Variants in INPP4A observed in about 807,000 individuals in gnomAD.
The protein encoded by INPP4A is inositol polyphosphate-4-phosphatase, type I, 107kD.
Under a neutral mutation model 119.8 loss-of-function variants are expected in INPP4A, and 33 were observed. The observed-to-expected ratio is 0.28, with a 90% confidence interval of 0.21 to 0.37. INPP4A has a LOEUF of 0.37. Among genes scored for constraint, INPP4A ranks in the 10% least tolerant of loss-of-function variants. The pLI is 1.00. For missense variants in INPP4A, 956 were observed against 1,289.9 expected (o/e 0.74, Z 3.97); for synonymous variants, 496 against 500.7 (o/e 0.99, Z 0.12).
intron 1 of INPP4A, among the ~76,000 whole-genome samples, chr2:98,513,798 C>T (rs1685583162): frequency 6.6e-6 from 1 of 152,236 alleles, no homozygotes; most frequent in African/African-American, 2.4e-5. Flanking sequence ...TCACCGCAGC[C>T]ATTCTGGCTC....
At chr2:98,521,534 A>AC (rs1404026820) in intron 4 of INPP4A, 1 of 152,290 alleles carries the variant, frequency 6.6e-6, no homozygotes, top group East Asian at 1.9e-4. Context: ...CTCCTGTGCT[A>AC]CGTGAGGATG....
intron 4 of INPP4A, among the ~76,000 whole-genome samples, chr2:98,531,978 C>T (rs1294086672): frequency 1.3e-5 from 2 of 152,144 alleles, no homozygotes; most frequent in African/African-American, 4.8e-5. Flanking sequence ...TGTATGCTAA[C>T]AAAGGAGAGA....
At chr2:98,486,310 TG>T (rs1679521953) in intron 1 of INPP4A, among the ~76,000 whole-genome samples, 1 of 152,210 alleles carries the variant, frequency 6.6e-6, no homozygotes, top group South Asian at 2.1e-4. Flanking sequence ...GTGAACTCTC[TG>T]GGGTCCCAAA....
At chr2:98,498,016 G>C (rs1361039764) in intron 1 of INPP4A, among the ~76,000 whole-genome samples, 1 of 152,212 alleles carries the variant, frequency 6.6e-6, no homozygotes. Context: ...CCTTGTCTCA[G>C]ATAAGACTTT....
chr2:98,460,059 A>G (rs1032224890), intron 1 of INPP4A, among the ~76,000 whole-genome samples: 1 of 137,708 alleles, frequency 7.3e-6, no homozygotes, highest in Non-Finnish European at 1.6e-5. Context: ...GTCTGCTTCC[A>G]CTTCTGGGTG....
At chr2:98,516,679 G>A (rs1312305961) in intron 1 of INPP4A, among the ~76,000 whole-genome samples, 2 of 152,164 alleles carry the variant, frequency 1.3e-5, no homozygotes, top group South Asian at 2.1e-4. Flanking sequence ...GTTCAAAAGG[G>A]AAGAGCCTCT....
At position 98,560,076 on chromosome 2, in the gene INPP4A, G is replaced by A. The variant is rs192220150; in HGVS notation, c.1855+581G>A. Among the ~76,000 whole-genome samples, 382 of 152,316 alleles carry A rather than the reference G, an allele frequency of 2.5e-3. 6 individuals carry two copies. Among genetic ancestry groups the A allele is most frequent in the African/African-American group, 8.9e-3 (368 of 41,562 alleles). On this transcript the variant is annotated intron_variant, in intron 17 of 24. Transcript: ENST00000409851. The stretch of plus-strand genomic sequence containing the variant: ...CAGTGCCAGAGTTCGTTGCAGCAGA[G>A]AACCCGTGGCCTTCAAAGCCTAAAA...
chr2:98,524,274 T>A (rs1687787790), intron 4 of INPP4A, among the ~76,000 whole-genome samples: 1 of 152,218 alleles, frequency 6.6e-6, no homozygotes, highest in South Asian at 2.1e-4. Context: ...TTTATTCAGC[T>A]GGGATTACAG....
chr2:98,584,448 G>C (rs555145841), intron 24 of INPP4A, among the ~76,000 whole-genome samples: 3 of 152,232 alleles, frequency 2.0e-5, no homozygotes, highest in Non-Finnish European at 4.4e-5. Context: ...CTCTCCCAGG[G>C]CTCAAGGATG....
At chr2:98,464,337 G>A (rs1293877179) in intron 1 of INPP4A, among the ~76,000 whole-genome samples, 2 of 152,130 alleles carry the variant, frequency 1.3e-5, no homozygotes, top group African/African-American at 4.8e-5. Flanking sequence ...CGAGCACGAC[G>A]GAGGAAGTGG....
At chr2:98,474,188 G>T (rs1265769445) in intron 1 of INPP4A, among the ~76,000 whole-genome samples, 1 of 152,176 alleles carries the variant, frequency 6.6e-6, no homozygotes, top group Non-Finnish European at 1.5e-5. Flanking sequence ...TTCCCTTTCT[G>T]CATTTGTGGT....
At chr2:98,556,584 A>C (rs958791771) in intron 16 of INPP4A, among the ~76,000 whole-genome samples, 4 of 152,268 alleles carry the variant, frequency 2.6e-5, no homozygotes, top group African/African-American at 9.6e-5. Flanking sequence ...ACTTGCCCAC[A>C]GACCTAGCTT....
chr2:98,565,721 C>T lies in INPP4A; in HGVS notation c.2234C>T (p.Thr745Ile), dbSNP rs752189169. ...GTGACCTTCAAAGTCACTCAGGCCA[C>T]TTCCAGCGCCTCCGCAGACATGCTG... ...RNVTFKVTQATSSASADMLPV... is the reference protein window; with the variant it reads ...RNVTFKVTQAISSASADMLPV... The change falls in exon 20 of 25, where the codon ACT becomes ATT. Residue 745 changes from threonine to isoleucine, a missense_variant. Thr to Ile is a moderately conservative substitution (Grantham distance 89). Coordinates refer to ENST00000409851, the MANE Select transcript of INPP4A (RefSeq NM_001134225.2). 2 of 1,613,474 alleles carry T rather than the reference C, an allele frequency of 1.2e-6. No homozygotes were observed. Among genetic ancestry groups the T allele is most frequent in the African/African-American group, 1.3e-5 (1 of 74,916 alleles).
chr2:98,497,382 C>T (rs551247081), intron 1 of INPP4A, among the ~76,000 whole-genome samples: 77 of 152,280 alleles, frequency 5.1e-4, no homozygotes, highest in Non-Finnish European at 9.9e-4. Flanking sequence ...TATGGGGCAC[C>T]GCCTAGTGGA....
At chr2:98,514,039 C>T (rs1685631475) in intron 1 of INPP4A, among the ~76,000 whole-genome samples, 1 of 152,140 alleles carries the variant, frequency 6.6e-6, no homozygotes, top group Non-Finnish European at 1.5e-5. Context: ...CCCTAGGGGA[C>T]CCATGGAAAC....
chr2:98,539,965 C>CTCTG (rs1691095502), intron 10 of INPP4A, among the ~76,000 whole-genome samples: 1 of 152,140 alleles, frequency 6.6e-6, no homozygotes, highest in African/African-American at 2.4e-5. Context: ...CAGAGTCTTG[C>CTCTG]TCTGTCGCTC....
At chr2:98,502,826 C>T (rs1331337654) in intron 1 of INPP4A, among the ~76,000 whole-genome samples, 2 of 152,210 alleles carry the variant, frequency 1.3e-5, no homozygotes, top group African/African-American at 4.8e-5. Context: ...TGGCCCTGCT[C>T]TAAGGGTTTT....
At chr2:98,565,065 T>C (rs1484706636) in intron 19 of INPP4A, among the ~76,000 whole-genome samples, 1 of 152,260 alleles carries the variant, frequency 6.6e-6, no homozygotes, top group African/African-American at 2.4e-5. Flanking sequence ...GGCCTGTTTC[T>C]GCAGCTACTG....
At chr2:98,533,745 A>C (rs1198133845) in intron 5 of INPP4A, among the ~76,000 whole-genome samples, 1 of 152,202 alleles carries the variant, frequency 6.6e-6, no homozygotes, top group Non-Finnish European at 1.5e-5. Context: ...ATGATCCTGT[A>C]AGCTTCATTG....
Sources: allele counts gnomAD v4.1 joint callset (sites outside exome capture counted in the v4.1 genomes callset), GRCh38; gene constraint gnomAD v4.1.1; transcripts MANE v1.5; gene names NCBI Gene and HGNC (gene_info 2026-07-23, HGNC 2026-07-21).